Variants in OSBPL6 observed in about 807,000 individuals in gnomAD.
OSBPL6 encodes oxysterol-binding protein-related protein 6.
OSBPL6 carries 49 observed loss-of-function variants against 125.8 expected under a neutral mutation model. That is an observed-to-expected ratio of 0.39 (90% CI 0.31 to 0.49). The LOEUF is 0.49. OSBPL6 is among the 20% of genes least tolerant of loss of function. The probability of loss-of-function intolerance (pLI) is 0.88; values close to 1 mark genes in which losing one functional copy is unlikely to be tolerated. For missense variants in OSBPL6, 986 were observed against 1,135.4 expected, an observed-to-expected ratio of 0.87 and a Z score of 1.89; for synonymous variants, 394 against 391.8, an observed-to-expected ratio of 1.01 and a Z score of -0.07.
intron 13 of OSBPL6, among the ~76,000 whole-genome samples, chr2:178,368,427 A>T (rs1450500862): frequency 6.6e-6 from 1 of 152,216 alleles, no homozygotes; most frequent in Non-Finnish European, 1.5e-5. Context: ...TATTATTAAT[A>T]AAATGATGTC....
At chr2:178,299,393 A>G (rs1255708496) in intron 2 of OSBPL6, among the ~76,000 whole-genome samples, 4 of 152,208 alleles carry the variant, frequency 2.6e-5, no homozygotes, top group Non-Finnish European at 4.4e-5. Flanking sequence ...TACTACTACT[A>G]TTAACCAGGG....
At chr2:178,342,600 T>A (rs1441940966) in intron 11 of OSBPL6, among the ~76,000 whole-genome samples, 2 of 152,226 alleles carry the variant, frequency 1.3e-5, no homozygotes, top group Non-Finnish European at 2.9e-5. Flanking sequence ...TAGAGGGTTC[T>A]GTGGAGATTA....
At chr2:178,374,693 G>A (rs752325162) in intron 15 of OSBPL6, among the ~76,000 whole-genome samples, 1 of 152,158 alleles carries the variant, frequency 6.6e-6, no homozygotes, top group Non-Finnish European at 1.5e-5. Context: ...AAGCTGATTA[G>A]GAATTTTGTC....
chr2:178,320,840 C>T (rs905161720), intron 3 of OSBPL6, among the ~76,000 whole-genome samples: 1 of 152,178 alleles, frequency 6.6e-6, no homozygotes, highest in African/African-American at 2.4e-5. Context: ...TTCAAAAGTT[C>T]TATCCTATTG....
chr2:178,395,326 CA>C (rs1695763909), intron 24 of OSBPL6, 124 bp from the exon 25 acceptor site: 2 of 587,486 alleles, frequency 3.4e-6, no homozygotes, highest in South Asian at 4.8e-5. Context: ...CAGTAGCTAG[CA>C]GATAAGATAC....
At chr2:178,195,258 C>A (rs1037487144) in intron 1 of OSBPL6, among the ~76,000 whole-genome samples, 5 of 152,152 alleles carry the variant, frequency 3.3e-5, no homozygotes, top group Non-Finnish European at 5.9e-5. Context: ...CCTGCCCACC[C>A]GCTGCTGGCG....
chr2:178,221,904 A>G (rs2090355924), intron 1 of OSBPL6, among the ~76,000 whole-genome samples: 2 of 152,150 alleles, frequency 1.3e-5, no homozygotes, highest in Non-Finnish European at 1.5e-5. Context: ...CATAGCCTTT[A>G]TATTGTTCCC....
chr2:178,295,386 T>A (rs1685655541), intron 2 of OSBPL6, among the ~76,000 whole-genome samples: 1 of 152,226 alleles, frequency 6.6e-6, no homozygotes, highest in African/African-American at 2.4e-5. Context: ...ATGCAGCCTG[T>A]TATTATAAAT....
At chr2:178,358,827 A>G (rs1277990965) in intron 12 of OSBPL6, among the ~76,000 whole-genome samples, 1 of 152,140 alleles carries the variant, frequency 6.6e-6, no homozygotes, top group Non-Finnish European at 1.5e-5. Context: ...ACAATCAACA[A>G]AAGAAAAAGG....
At chr2:178,231,879 G>T (rs2090837438) in intron 1 of OSBPL6, among the ~76,000 whole-genome samples, 1 of 152,044 alleles carries the variant, frequency 6.6e-6, no homozygotes, top group Admixed American at 6.5e-5. Flanking sequence ...ACCCAGGCTG[G>T]TCTTGAACTC....
chr2:178,267,538 A>G (rs956805570), intron 1 of OSBPL6, among the ~76,000 whole-genome samples: 4 of 152,154 alleles, frequency 2.6e-5, no homozygotes, highest in African/African-American at 9.6e-5. Context: ...GATATATGTA[A>G]GTATAAGCTA....
chr2:178,339,119 A>G (rs557665935), intron 10 of OSBPL6, 25 bp downstream of exon 10: 11 of 1,456,060 alleles, frequency 7.6e-6, no homozygotes, highest in East Asian at 4.6e-5. Flanking sequence ...GCTGCTGGTA[A>G]AAGGACTTAG....
intron 1 of OSBPL6, among the ~76,000 whole-genome samples, chr2:178,252,129 G>GTA (rs2154003492): frequency 1.6e-5 from 1 of 61,940 alleles, no homozygotes; most frequent in South Asian, 4.5e-4. Flanking sequence ...TGCCAAAAAG[G>GTA]TATAAAAACT....
rs1264048995 is a variant in OSBPL6, at chr2:178,383,214, G to A, written c.1812G>A (p.Glu604=). Residue 604 remains glutamate (E), a synonymous_variant, in exon 17 of 25, where the codon GAG becomes GAA. Coordinates refer to ENST00000190611, the MANE Select transcript of OSBPL6 (RefSeq NM_032523.4). The stretch of plus-strand genomic sequence containing the variant: ...TCAACACCCTGCAGCACCTCTGTGA[G>A]GAAATGGAATACAGCGAGCTCCTGG... ...EPLNTLQHLC[E]EMEYSELLDK... The A allele has an allele frequency of 1.9e-6, 3 of 1,614,216 alleles. No individual in the cohort carries two copies. The highest frequency in any genetic ancestry group is 2.2e-5 in the South Asian group (2 of 91,090).
chr2:178,329,477 C>A (rs1450623568), intron 5 of OSBPL6, among the ~76,000 whole-genome samples: 1 of 150,756 alleles, frequency 6.6e-6, no homozygotes, highest in Non-Finnish European at 1.5e-5. Flanking sequence ...TGCAATGGCA[C>A]AATCACGGCT....
chr2:178,331,733 C>G, intron 6 of OSBPL6, 128 bp downstream of exon 6: 3 of 922,886 alleles, frequency 3.3e-6, no homozygotes, highest in Non-Finnish European at 5.2e-6. Context: ...TGTAAGATTT[C>G]ACAAGCTCCC....
intron 1 of OSBPL6, among the ~76,000 whole-genome samples, chr2:178,205,173 G>A (rs968671895): frequency 6.6e-6 from 1 of 152,190 alleles, no homozygotes; most frequent in South Asian, 2.1e-4. Context: ...TCCTTGCCAG[G>A]GTTGGGATTT....
intron 1 of OSBPL6, among the ~76,000 whole-genome samples, chr2:178,228,210 T>G (rs1362274796): frequency 6.6e-6 from 1 of 152,222 alleles, no homozygotes; most frequent in Admixed American, 6.5e-5. Context: ...CTTTCTCTCA[T>G]TCATTTAATA....
chr2:178,246,678 C>A (rs2091502483), intron 1 of OSBPL6, among the ~76,000 whole-genome samples: 1 of 152,158 alleles, frequency 6.6e-6, no homozygotes, highest in Admixed American at 6.5e-5. Flanking sequence ...ACCTTGGTGT[C>A]TTCTTCATAT....
Sources: allele counts gnomAD v4.1 joint callset (sites outside exome capture counted in the v4.1 genomes callset), GRCh38; gene constraint gnomAD v4.1.1; transcripts MANE v1.5; gene names NCBI Gene and HGNC (gene_info 2026-07-23, HGNC 2026-07-21).